DLC1: variants seen among roughly 807,000 people sequenced by gnomAD.
DLC1 encodes the protein DLC1 Rho GTPase activating protein, also known as rho GTPase-activating protein 7.
DLC1 carries 54 observed loss-of-function variants against 140.3 expected under a neutral mutation model. That is an observed-to-expected ratio of 0.38 (90% CI 0.31 to 0.48). DLC1 has a LOEUF of 0.48. Among genes scored for constraint, DLC1 ranks in the 20% least tolerant of loss-of-function variants. The pLI is 0.96. For missense variants in DLC1, 2,536 were observed against 1,907.0 expected (o/e 1.33, Z -6.14); for synonymous variants, 986 against 728.1 (o/e 1.35, Z -5.70).
intron 4 of DLC1, among the ~76,000 whole-genome samples, chr8:13,378,013 T>G (rs1836079324): frequency 6.6e-6 from 1 of 151,112 alleles, no homozygotes; most frequent in Admixed American, 6.6e-5. Context: ...AGTACTCTTT[T>G]AAGTGTTAAT....
intron 2 of DLC1, among the ~76,000 whole-genome samples, chr8:13,453,672 A>C (rs1799261575): frequency 6.7e-6 from 1 of 148,280 alleles, no homozygotes; most frequent in African/African-American, 2.5e-5. Context: ...CTATCCTCAA[A>C]AGAATTTATA....
chr8:13,597,861 C>A (rs1451046390), intron 1 of DLC1, among the ~76,000 whole-genome samples: 1 of 152,036 alleles, frequency 6.6e-6, no homozygotes, highest in East Asian at 1.9e-4. Flanking sequence ...TGAATTGCTA[C>A]ATGGAATATT....
At position 13,088,662 on chromosome 8, in the gene DLC1, C is replaced by T; in HGVS notation, c.4117G>A (p.Glu1373Lys). Residue 1373 changes from glutamate (E) to lysine (K), a missense_variant, in exon 16 of 18, where the codon GAA becomes AAA. Transcript: ENST00000276297. ...ATTTCCTCTGGCACAGCAGGGACTTCAATGACTGACCTCCAAAGCCTCAGA... is the reference window on the plus strand; with the variant it reads ...ATTTCCTCTGGCACAGCAGGGACTTTAATGACTGACCTCCAAAGCCTCAGA... ...PPLRLWRSVI[E>K]VPAVPEEILK... The T allele has an allele frequency of 6.2e-7, 1 of 1,614,114 alleles. No homozygotes were observed. The highest frequency in any genetic ancestry group is 1.1e-5 in the South Asian group (1 of 91,070).
chr8:13,262,192 G>A (rs1830495464), intron 5 of DLC1, among the ~76,000 whole-genome samples: 2 of 151,968 alleles, frequency 1.3e-5, no homozygotes, highest in South Asian at 2.1e-4. Flanking sequence ...TGTAAATGAA[G>A]GACACAAATG....
chr8:13,175,271 T>C (rs576240193), intron 5 of DLC1, among the ~76,000 whole-genome samples: 2 of 151,610 alleles, frequency 1.3e-5, no homozygotes, highest in South Asian at 4.2e-4. Flanking sequence ...CTTTATAATA[T>C]AGTTTGAAGT....
chr8:13,394,997 C>G (rs1226796287), intron 3 of DLC1, among the ~76,000 whole-genome samples: 2 of 73,936 alleles, frequency 2.7e-5, no homozygotes, highest in East Asian at 6.3e-4. Flanking sequence ...TGCTAATCTA[C>G]TACATATTCT....
intron 1 of DLC1, chr8:13,558,812 T>G (rs1804143760): frequency 6.6e-6 from 1 of 152,228 alleles, no homozygotes; most frequent in African/African-American, 2.4e-5. Flanking sequence ...CTTAGAATGT[T>G]AACTGTATCA....
intron 2 of DLC1, among the ~76,000 whole-genome samples, chr8:13,462,529 G>A (rs897949331): frequency 1.3e-5 from 2 of 150,768 alleles, no homozygotes; most frequent in Non-Finnish European, 2.9e-5. Flanking sequence ...CCAGCCTCCC[G>A]AGTAGGTGGG....
chr8:13,600,453 C>T (rs1213545965), intron 1 of DLC1, among the ~76,000 whole-genome samples: 5 of 151,806 alleles, frequency 3.3e-5, no homozygotes, highest in South Asian at 2.1e-4. Flanking sequence ...TAGCTACAAC[C>T]GAAGAGTGTC....
chr8:13,327,264 C>T (rs187437321), intron 4 of DLC1, among the ~76,000 whole-genome samples: 4 of 151,588 alleles, frequency 2.6e-5, no homozygotes, highest in Non-Finnish European at 5.9e-5. Flanking sequence ...TGAGCCACTG[C>T]GCCCGGCCCC....
At chr8:13,299,222 C>A (rs932306968) in intron 5 of DLC1, among the ~76,000 whole-genome samples, 1 of 151,610 alleles carries the variant, frequency 6.6e-6, no homozygotes, top group African/African-American at 2.4e-5. Flanking sequence ...GCGGGTGGAT[C>A]CCTTGAGGCC....
At chr8:13,430,302 G>GAAACAAAGGCCTTTGAA (rs1838801889) in intron 2 of DLC1, among the ~76,000 whole-genome samples, 1 of 152,046 alleles carries the variant, frequency 6.6e-6, no homozygotes, top group African/African-American at 2.4e-5. Flanking sequence ...TGGCCTTTGA[G>GAAACAAAGGCCTTTGAA]AAACAAAGGC....
intron 5 of DLC1, among the ~76,000 whole-genome samples, chr8:13,170,096 A>G (rs75127820): frequency 0.039 from 5,982 of 152,328 alleles, 234 homozygotes; most frequent in African/African-American, 0.1. Context: ...TCTGTGATTT[A>G]TGAAATAAAG....
At chr8:13,335,684 T>G (rs1266070652) in intron 4 of DLC1, among the ~76,000 whole-genome samples, 2 of 152,134 alleles carry the variant, frequency 1.3e-5, no homozygotes, top group Non-Finnish European at 2.9e-5. Context: ...TAATGTATAT[T>G]ACATATTATG....
Position 13,099,427 on chromosome 8 carries a change from G to A in DLC1, c.2910C>T (p.Ser970=). 1 of 1,614,114 alleles carries A rather than the reference G, an allele frequency of 6.2e-7. No homozygotes were observed. Among genetic ancestry groups the A allele is most frequent in the Non-Finnish European group, 8.5e-7 (1 of 1,180,030 alleles). ...CGGAGGGCTCTTCCGGTTCATTCAG[G>A]GAGTTGCCTGTGCTGTCCAGGTCGC... ...TPSDLDSTGN[S]LNEPEEPSEI... Residue 970 remains serine (S), a synonymous_variant, in exon 9 of 18, where the codon TCC becomes TCT. Transcript: ENST00000276297.
In DLC1 at chr8:13,092,801, T is replaced by A. The variant is rs146051142; in HGVS notation, c.3551A>T (p.Gln1184Leu). The change falls in exon 13 of 18, where the codon CAG becomes CTG. Residue 1184 changes from glutamine to leucine, a missense_variant. By Grantham distance (113) the Gln-to-Leu change is moderately radical. Transcript: ENST00000276297. ...CAGCATGATGGCAGCCTTGATGGCCTGCAGGCGCTGGTCCTTGGGCACATC... is the reference window on the plus strand; with the variant it reads ...CAGCATGATGGCAGCCTTGATGGCCAGCAGGCGCTGGTCCTTGGGCACATC... ...YQYVPKDQRL[Q>L]AIKAAIMLLP... 3,153 of 1,613,910 alleles carry A rather than the reference T, an allele frequency of 2.0e-3. 7 individuals carry two copies. The highest frequency in any genetic ancestry group is 6.6e-3 in the Admixed American group (395 of 60,006).
intron 5 of DLC1, among the ~76,000 whole-genome samples, chr8:13,236,476 A>C (rs1413552714): frequency 6.6e-6 from 1 of 152,152 alleles, no homozygotes; most frequent in Non-Finnish European, 1.5e-5. Flanking sequence ...TAGCCTATCA[A>C]CCTTGTCCAT....
At chr8:13,184,252 T>C (rs1826214614) in intron 5 of DLC1, among the ~76,000 whole-genome samples, 1 of 152,188 alleles carries the variant, frequency 6.6e-6, no homozygotes, top group South Asian at 2.1e-4. Context: ...TTTGTTGATC[T>C]TTTCAAAAAA....
intron 5 of DLC1, among the ~76,000 whole-genome samples, chr8:13,295,629 T>C (rs953454806): frequency 1.1e-4 from 17 of 152,334 alleles, no homozygotes; most frequent in South Asian, 2.1e-4. Flanking sequence ...GAAAGAGATT[T>C]TGAACTTCCC....
Sources: gnomAD v4.1 joint callset for allele counts (sites outside exome capture counted in the v4.1 genomes callset) on GRCh38, gnomAD v4.1.1 for gene constraint, MANE v1.5 for transcripts, NCBI Gene and HGNC (gene_info 2026-07-23, HGNC 2026-07-21) for gene names.